ADGRL3: variants seen among roughly 807,000 people sequenced by gnomAD.
ADGRL3 encodes the protein adhesion G protein-coupled receptor L3, also known as calcium-independent alpha-latrotoxin receptor 3.
ADGRL3 carries 62 observed loss-of-function variants against 153.5 expected under a neutral mutation model. The ratio of observed to expected loss-of-function variants is 0.40; its 90% CI spans 0.33 to 0.50. ADGRL3 has a LOEUF of 0.50. ADGRL3 is among the 20% of genes least tolerant of loss of function. ADGRL3 has a pLI of 0.47. For missense variants in ADGRL3, 1,641 were observed against 1,859.4 expected, an observed-to-expected ratio of 0.88 and a Z score of 2.16; for synonymous variants, 710 against 672.5, an observed-to-expected ratio of 1.06 and a Z score of -0.86.
chr4:61,638,132 G>A (rs1210893387), intron 5 of ADGRL3, among the ~76,000 whole-genome samples: 9 of 152,160 alleles, frequency 5.9e-5, no homozygotes, highest in Admixed American at 5.2e-4. Context: ...AAATCAGGGA[G>A]TAGCTTAGAT....
At chr4:61,364,089 T>C (rs2096345937) in intron 1 of ADGRL3, among the ~76,000 whole-genome samples, 1 of 151,894 alleles carries the variant, frequency 6.6e-6, no homozygotes, top group Non-Finnish European at 1.5e-5. Flanking sequence ...CTCAGCACCT[T>C]GGGAGGCCAA....
At chr4:61,722,481 A>G (rs1271658238) in intron 6 of ADGRL3, among the ~76,000 whole-genome samples, 1 of 152,212 alleles carries the variant, frequency 6.6e-6, no homozygotes, top group African/African-American at 2.4e-5. Flanking sequence ...CACTTTGTAC[A>G]ATTCTTTCAA....
At chr4:61,378,516 T>A (rs1242141393) in intron 1 of ADGRL3, among the ~76,000 whole-genome samples, 1 of 151,978 alleles carries the variant, frequency 6.6e-6, no homozygotes, top group African/African-American at 2.4e-5. Flanking sequence ...TTTCGGAGGA[T>A]GAGACTTCAG....
At chr4:61,674,150 ATAGATAGATAG>A (rs2095105175) in intron 5 of ADGRL3, among the ~76,000 whole-genome samples, 1 of 9,448 alleles carries the variant, frequency 1.1e-4, no homozygotes, top group African/African-American at 3.0e-4. Flanking sequence ...GCATTTTTAG[ATAGATAGATAG>A]ATAGATAGAT....
At chr4:61,452,816 C>A (rs1253872270) in intron 2 of ADGRL3, among the ~76,000 whole-genome samples, 1 of 152,014 alleles carries the variant, frequency 6.6e-6, no homozygotes, top group Non-Finnish European at 1.5e-5. Flanking sequence ...CCTTAATTTA[C>A]AGAATGCCTG....
At chr4:61,520,966 G>A (rs910505107) in intron 4 of ADGRL3, among the ~76,000 whole-genome samples, 3 of 151,876 alleles carry the variant, frequency 2.0e-5, no homozygotes, top group South Asian at 2.1e-4. Context: ...TTGCCTTCTC[G>A]CCTCTTAGTT....
At chr4:61,979,911 C>T (rs947236251) in intron 18 of ADGRL3, 139 bp downstream of exon 18, 2 of 723,300 alleles carry the variant, frequency 2.8e-6, no homozygotes, top group African/African-American at 3.5e-5. Flanking sequence ...AGGCCTTACT[C>T]AGTTTTCCAT....
intron 21 of ADGRL3, among the ~76,000 whole-genome samples, chr4:62,013,836 C>A (rs761813348): frequency 6.6e-6 from 1 of 151,696 alleles, no homozygotes; most frequent in Non-Finnish European, 1.5e-5. Context: ...TTCAGTGAGC[C>A]GAGATCGCAC....
intron 9 of ADGRL3, among the ~76,000 whole-genome samples, chr4:61,831,317 G>T (rs909255499): frequency 2.0e-5 from 3 of 148,672 alleles, no homozygotes; most frequent in Admixed American, 6.9e-5. Flanking sequence ...TAACTTCTCT[G>T]CCAGGCCTAT....
intron 5 of ADGRL3, among the ~76,000 whole-genome samples, chr4:61,648,280 A>G (rs949121749): frequency 2.0e-5 from 3 of 151,968 alleles, no homozygotes; most frequent in African/African-American, 7.2e-5. Context: ...AATATGTAAA[A>G]GAAGAAATCT....
At chr4:61,774,246 A>T (rs2097119939) in intron 8 of ADGRL3, among the ~76,000 whole-genome samples, 1 of 151,540 alleles carries the variant, frequency 6.6e-6, no homozygotes, top group Non-Finnish European at 1.5e-5. Context: ...AATCCCAGCT[A>T]CTCAGGAGGC....
intron 3 of ADGRL3, among the ~76,000 whole-genome samples, chr4:61,499,614 C>T (rs1477322868): frequency 3.9e-5 from 6 of 151,954 alleles, no homozygotes; most frequent in Non-Finnish European, 8.8e-5. Context: ...TGTGAATTTC[C>T]TTCATCATAT....
intron 1 of ADGRL3, among the ~76,000 whole-genome samples, chr4:61,329,233 A>C (rs1053130568): frequency 1.3e-5 from 2 of 152,204 alleles, no homozygotes; most frequent in African/African-American, 4.8e-5. Flanking sequence ...AAATAACTTT[A>C]TAAAGTAAAA....
intron 9 of ADGRL3, among the ~76,000 whole-genome samples, chr4:61,827,277 C>T (rs531166469): frequency 3.3e-5 from 5 of 152,244 alleles, no homozygotes; most frequent in Admixed American, 1.3e-4. Flanking sequence ...TGTTAAATCA[C>T]GGATAGTGTT....
At chr4:61,455,888 T>C (rs941885164) in intron 2 of ADGRL3, among the ~76,000 whole-genome samples, 5 of 152,070 alleles carry the variant, frequency 3.3e-5, no homozygotes, top group Admixed American at 2.6e-4. Flanking sequence ...TGATCTCGGC[T>C]CGCTACAGCC....
At chr4:61,499,389 C>T (rs988492119) in intron 3 of ADGRL3, among the ~76,000 whole-genome samples, 5 of 152,136 alleles carry the variant, frequency 3.3e-5, no homozygotes, top group African/African-American at 1.2e-4. Flanking sequence ...ACATTCTCTG[C>T]ATGGGCACAT....
intron 9 of ADGRL3, among the ~76,000 whole-genome samples, chr4:61,890,439 A>G (rs2098568230): frequency 6.6e-6 from 1 of 151,398 alleles, no homozygotes; most frequent in African/African-American, 2.4e-5. Flanking sequence ...GAGAAGTTCA[A>G]GGTCAAGGGG....
chr4:61,669,979 T>C (rs1319657911), intron 5 of ADGRL3, among the ~76,000 whole-genome samples: 4 of 152,218 alleles, frequency 2.6e-5, no homozygotes, highest in African/African-American at 4.8e-5. Context: ...ATTCCCAGTA[T>C]GTAAACACTA....
intron 1 of ADGRL3, among the ~76,000 whole-genome samples, chr4:61,216,635 A>G (rs958636283): frequency 5.3e-5 from 8 of 152,192 alleles, no homozygotes; most frequent in African/African-American, 1.9e-4. Context: ...ACTGGGCTTA[A>G]TAAACACACA....
Sources: gnomAD v4.1 joint callset for allele counts (sites outside exome capture counted in the v4.1 genomes callset) on GRCh38, gnomAD v4.1.1 for gene constraint, MANE v1.5 for transcripts, NCBI Gene and HGNC (gene_info 2026-07-23, HGNC 2026-07-21) for gene names.